The following PPP3R1 variants were observed in gnomAD, a reference collection of about 807,000 sequenced individuals.
The protein encoded by PPP3R1 is calcineurin subunit B type 1.
Under a neutral mutation model 22.6 loss-of-function variants are expected in PPP3R1, and 5 were observed. The ratio of observed to expected loss-of-function variants is 0.22; its 90% CI spans 0.12 to 0.46. The LOEUF is 0.46. Ranked by LOEUF, PPP3R1 falls within the 20% of genes least tolerant of loss-of-function variation. The pLI is 0.99. For missense variants in PPP3R1, 61 were observed against 203.2 expected (o/e 0.30, Z 4.25); for synonymous variants, 56 against 65.2 (o/e 0.86, Z 0.68).
In PPP3R1 at chr2:68,232,230, T is replaced by TATATATATATAC; in HGVS notation, c.4-15100_4-15099insGTATATATATAT. Among the ~76,000 whole-genome samples, 3 of 48,912 alleles carry TATATATATATAC rather than the reference T, an allele frequency of 6.1e-5. No individual in the cohort carries two copies. In the South Asian group the frequency reaches 2.8e-3, roughly 46 times the overall value. The allele number at this position is 48,912 out of a possible 152,430, so 32.1% of individuals were successfully genotyped here. ...CATATTGTATATGTATATATGTGTG[T>TATATATATATAC]GTGTGTGTGTGTGTGTGTGTGTGTG... is the stretch of plus-strand genomic sequence containing the variant. On this transcript the variant is annotated intron_variant, in intron 1 of 5. Coordinates refer to ENST00000234310, the MANE Select transcript of PPP3R1 (RefSeq NM_000945.4).
chr2:68,186,406 G>C, intron 5 of PPP3R1, 62 bp downstream of exon 5: 2 of 1,447,832 alleles, frequency 1.4e-6, no homozygotes, highest in Non-Finnish European at 1.9e-6. Flanking sequence ...TCTCTATTAA[G>C]TGGTTTTTAA....
At position 68,186,660 on chromosome 2, in the gene PPP3R1, A is replaced by G; in HGVS notation, c.281-8T>C. The G allele has an allele frequency of 6.3e-7, 1 of 1,589,934 alleles. No homozygotes were observed. Among genetic ancestry groups the G allele is most frequent in the Non-Finnish European group, 8.6e-7 (1 of 1,166,426 alleles). ...CATAGATACGGAAAGCAACTAAAAA[A>G]AAGGAAGGAAAATCAATTCCAATTA... On this transcript the variant is annotated splice_polypyrimidine_tract_variant and splice_region_variant and intron_variant, in intron 4 of 5. Transcript: ENST00000234310.
At chr2:68,187,998 C>T (rs1224126358) in intron 3 of PPP3R1, among the ~76,000 whole-genome samples, 3 of 151,976 alleles carry the variant, frequency 2.0e-5, no homozygotes, top group African/African-American at 4.8e-5. Context: ...GGTGAAATCT[C>T]GTTTTTACTA....
intron 2 of PPP3R1, among the ~76,000 whole-genome samples, chr2:68,204,353 G>GATAT (rs1491437318): frequency 5.4e-5 from 8 of 148,344 alleles, no homozygotes; most frequent in African/African-American, 1.8e-4. Flanking sequence ...TATATATTCT[G>GATAT]ATATATATAT....
Position 68,217,085 on chromosome 2 carries a change from G to A in PPP3R1, c.43+7C>T, listed in dbSNP as rs1451898547. ...AAGTAACTTTTGGTAACAAGAATAT[G>A]ACTTACAGTGTGAGCACATTTCCAA... On this transcript the variant is annotated splice_region_variant and intron_variant, in intron 2 of 5. Coordinates refer to ENST00000234310, the MANE Select transcript of PPP3R1 (RefSeq NM_000945.4). The A allele has an allele frequency of 6.3e-7, 1 of 1,578,754 alleles. No individual in the cohort carries two copies. The highest frequency in any genetic ancestry group is 1.2e-5 in the South Asian group (1 of 86,896).
At chr2:68,229,559 T>C (rs1003538377) in intron 1 of PPP3R1, among the ~76,000 whole-genome samples, 1 of 152,184 alleles carries the variant, frequency 6.6e-6, no homozygotes, top group Non-Finnish European at 1.5e-5. Context: ...TTTTTTCATA[T>C]ATTTTGCAGT....
intron 1 of PPP3R1, among the ~76,000 whole-genome samples, chr2:68,225,988 A>G (rs901267013): frequency 1.3e-5 from 2 of 152,216 alleles, no homozygotes; most frequent in Non-Finnish European, 2.9e-5. Context: ...ACAATGGAGT[A>G]CTATTCGGTA....
Position 68,252,362 on chromosome 2 carries a change from C to A in PPP3R1, c.-235G>T. The A allele has an allele frequency of 9.9e-7, 1 of 1,006,088 alleles. No homozygotes were observed. The highest frequency in any genetic ancestry group is 1.2e-6 in the Non-Finnish European group (1 of 844,844). 62.3% of individuals were successfully genotyped at this position (1,006,088 alleles called of 1,614,324 possible). A position where few individuals can be genotyped will look rare whatever the true frequency, so the allele number is the denominator to read the frequency against. On this transcript the variant is annotated 5_prime_UTR_variant, in exon 1 of 6. Coordinates refer to ENST00000234310, the MANE Select transcript of PPP3R1 (RefSeq NM_000945.4). Reference sequence around the variant, plus strand: ...ATAAATTAAGGTCGAGATTCAGAGCCGGAGAGCGCGGGAGGAGCAGCGGCG... The same window carrying A: ...ATAAATTAAGGTCGAGATTCAGAGCAGGAGAGCGCGGGAGGAGCAGCGGCG...
intron 2 of PPP3R1, among the ~76,000 whole-genome samples, chr2:68,191,187 A>G (rs1178025419): frequency 6.6e-6 from 1 of 152,222 alleles, no homozygotes; most frequent in Non-Finnish European, 1.5e-5. Context: ...GAAACACATC[A>G]TTAGATTTCA....
intron 1 of PPP3R1, among the ~76,000 whole-genome samples, chr2:68,241,955 T>C (rs567797213): frequency 2.8e-4 from 42 of 152,112 alleles, no homozygotes; most frequent in African/African-American, 9.4e-4. Flanking sequence ...AATGGATACA[T>C]TCTTTATCTA....
intron 5 of PPP3R1, among the ~76,000 whole-genome samples, chr2:68,185,760 T>G (rs1196984180): frequency 6.6e-6 from 1 of 151,948 alleles, no homozygotes; most frequent in Non-Finnish European, 1.5e-5. Context: ...CTGGGGGTAG[T>G]TCAGTGTCTT....
Position 68,223,714 on chromosome 2 carries a change from T to C in PPP3R1, c.4-6583A>G, listed in dbSNP as rs150192940. On this transcript the variant is annotated intron_variant, in intron 1 of 5. Coordinates refer to ENST00000234310, the MANE Select transcript of PPP3R1 (RefSeq NM_000945.4). ...ATTTCTCTATCTATAAAAGGTTATC[T>C]ACAAAAATTCTTCAAAAAGTGTCAT... is the stretch of plus-strand genomic sequence containing the variant. 7.8e-3 allele frequency among the ~76,000 whole-genome samples: 1,176 copies of C among 150,364 alleles called. 5 individuals carry two copies. The highest frequency in any genetic ancestry group is 0.013 in the Admixed American group (192 of 15,024).
chr2:68,193,022 TTG>T (rs1674697570), intron 2 of PPP3R1, among the ~76,000 whole-genome samples: 1 of 152,188 alleles, frequency 6.6e-6, no homozygotes, highest in Admixed American at 6.5e-5. Flanking sequence ...TATCTTATAG[TTG>T]TATCATTATC....
intron 1 of PPP3R1, chr2:68,251,102 C>A (rs1230440846): frequency 6.6e-6 from 1 of 152,196 alleles, no homozygotes; most frequent in East Asian, 1.9e-4. Context: ...TCTGAACTTT[C>A]TCTACTGTGT....
intron 1 of PPP3R1, among the ~76,000 whole-genome samples, chr2:68,235,804 T>C (rs1293361180): frequency 6.6e-6 from 1 of 152,216 alleles, no homozygotes; most frequent in East Asian, 1.9e-4. Context: ...AACATTTACA[T>C]TCCCACCAGC....
At chr2:68,183,477 AG>A (rs797017488) in intron 5 of PPP3R1, among the ~76,000 whole-genome samples, 6 of 152,330 alleles carry the variant, frequency 3.9e-5, no homozygotes, top group African/African-American at 1.4e-4. Flanking sequence ...AAGCCCTCTC[AG>A]AAAACATATT....
chr2:68,212,134 G>C (rs567251338), intron 2 of PPP3R1, among the ~76,000 whole-genome samples: 6 of 152,082 alleles, frequency 3.9e-5, no homozygotes, highest in Non-Finnish European at 7.4e-5. Flanking sequence ...AGGCTGGAGC[G>C]CAGTAGTGTG....
intron 5 of PPP3R1, among the ~76,000 whole-genome samples, chr2:68,184,219 T>A (rs1245481690): frequency 6.6e-6 from 1 of 152,182 alleles, no homozygotes; most frequent in East Asian, 1.9e-4. Context: ...AGTCTTTCTG[T>A]TTTTAGCCTC....
At chr2:68,234,224 T>TC (rs776446405) in intron 1 of PPP3R1, among the ~76,000 whole-genome samples, 45 of 151,986 alleles carry the variant, frequency 3.0e-4, no homozygotes, top group Admixed American at 7.9e-4. Context: ...ACACCTGTAG[T>TC]CCCAGCTACT....
Sources: gnomAD v4.1 joint callset for allele counts (sites outside exome capture counted in the v4.1 genomes callset) on GRCh38, gnomAD v4.1.1 for gene constraint, MANE v1.5 for transcripts, NCBI Gene and HGNC (gene_info 2026-07-23, HGNC 2026-07-21) for gene names.